Variants in FHIT observed in about 807,000 individuals in gnomAD.
FHIT encodes fragile histidine triad diadenosine triphosphatase, also known as bis(5'-adenosyl)-triphosphatase.
A neutral mutation model predicts 17.9 loss-of-function variants in FHIT; 19 were observed. That is an observed-to-expected ratio of 1.06 (90% CI 0.74 to 1.56). The LOEUF (loss-of-function observed/expected upper bound fraction) is 1.56, where lower values mean the gene tolerates loss of function less well. Ranked by LOEUF, FHIT falls within the 40% of genes most tolerant of loss-of-function variation. The pLI is 0.00. For synonymous variants in FHIT, 81 were observed against 69.7 expected (o/e 1.16, Z -0.81); for missense variants, 248 against 189.2 (o/e 1.31, Z -1.82).
At chr3:60,534,797 C>A (rs1359492566) in intron 5 of FHIT, among the ~76,000 whole-genome samples, 1 of 152,206 alleles carries the variant, frequency 6.6e-6, no homozygotes, top group East Asian at 1.9e-4. Context: ...ATGGTGACAC[C>A]AGTGCCATCT....
chr3:61,205,175 T>A (rs1194907238), intron 1 of FHIT, among the ~76,000 whole-genome samples: 1 of 152,128 alleles, frequency 6.6e-6, no homozygotes, highest in Non-Finnish European at 1.5e-5. Context: ...GGCTGCATAG[T>A]ATTCCATGGT....
intron 5 of FHIT, among the ~76,000 whole-genome samples, chr3:60,057,289 A>G (rs954254537): frequency 6.6e-6 from 1 of 152,172 alleles, no homozygotes; most frequent in African/African-American, 2.4e-5. Context: ...AAAGTCATAT[A>G]CTAATATGTG....
chr3:60,846,826 CTT>C (rs1289189948), intron 3 of FHIT, among the ~76,000 whole-genome samples: 1 of 147,634 alleles, frequency 6.8e-6, no homozygotes. Context: ...CATAATCTTT[CTT>C]TTTTTTTTTC....
intron 5 of FHIT, among the ~76,000 whole-genome samples, chr3:60,173,915 A>ATATATATATATATATATAT: frequency 1.5e-5 from 1 of 66,436 alleles, no homozygotes; most frequent in South Asian, 4.7e-4. Flanking sequence ...ATATATATAT[A>ATATATATATATATATATAT]TGTTTTTTTT....
chr3:60,042,919 T>C (rs1229458425), intron 5 of FHIT, among the ~76,000 whole-genome samples: 1 of 152,192 alleles, frequency 6.6e-6, no homozygotes, highest in East Asian at 1.9e-4. Context: ...TTGCCACCTA[T>C]TTCCCTGGCT....
At chr3:60,830,384 A>T (rs990742536) in intron 3 of FHIT, among the ~76,000 whole-genome samples, 1 of 152,194 alleles carries the variant, frequency 6.6e-6, no homozygotes, top group Non-Finnish European at 1.5e-5. Flanking sequence ...AAGCAGCCCA[A>T]TAACCAAACA....
intron 3 of FHIT, among the ~76,000 whole-genome samples, chr3:60,844,656 TCA>T (rs1334666357): frequency 4.6e-5 from 7 of 152,160 alleles, no homozygotes; most frequent in African/African-American, 1.7e-4. Context: ...CTCATAAAAA[TCA>T]CACTTTGGCT....
chr3:60,725,649 T>G (rs184813440), intron 4 of FHIT, among the ~76,000 whole-genome samples: 1 of 152,334 alleles, frequency 6.6e-6, no homozygotes, highest in Admixed American at 6.5e-5. Context: ...ATAAAAACTT[T>G]TGCAATTGGT....
In FHIT at chr3:60,273,452, C is replaced by CA. The variant is rs200112733; in HGVS notation, c.104-259301dup. Reference sequence around the variant, plus strand: ...TGAAATCCTGTCTCTACTAAAAATACAAAAAAAATTAGCCAGGGGTGGTGG... The same window carrying CA: ...TGAAATCCTGTCTCTACTAAAAATACAAAAAAAAATTAGCCAGGGGTGGTGG... On this transcript the variant is annotated intron_variant, in intron 5 of 9. Coordinates refer to ENST00000492590, the MANE Select transcript of FHIT (RefSeq NM_002012.4). 1.5e-4 allele frequency among the ~76,000 whole-genome samples: 23 copies of CA among 151,428 alleles called. No individual in the cohort carries two copies. In the East Asian group the frequency reaches 4.1e-3, roughly 27 times the overall value.
In FHIT at chr3:60,057,194, C is replaced by A. The variant is rs548135612; in HGVS notation, c.104-43042G>T. Among the ~76,000 whole-genome samples the A allele has an allele frequency of 7.2e-5, 11 of 152,280 alleles. No homozygotes were observed. The East Asian group carries it at 1.2e-3, about 16-fold the overall frequency. On this transcript the variant is annotated intron_variant, in intron 5 of 9. Coordinates refer to ENST00000492590, the MANE Select transcript of FHIT (RefSeq NM_002012.4). ...CATCCTATGCATTATTTCATATAAA[C>A]CTTACCACAAAACTTTGAGTGGTAT...
At chr3:60,142,319 T>C (rs1207367638) in intron 5 of FHIT, among the ~76,000 whole-genome samples, 2 of 152,168 alleles carry the variant, frequency 1.3e-5, no homozygotes, top group Non-Finnish European at 2.9e-5. Flanking sequence ...TCAAAAAATA[T>C]GTTGCACAGG....
intron 5 of FHIT, among the ~76,000 whole-genome samples, chr3:60,191,550 C>A (rs1702404711): frequency 2.0e-5 from 3 of 152,058 alleles, no homozygotes; most frequent in African/African-American, 7.2e-5. Context: ...GCATAGTGAC[C>A]AAAGCATGAT....
chr3:60,218,857 C>CTACA (rs36071604), intron 5 of FHIT, among the ~76,000 whole-genome samples: 5,842 of 151,796 alleles, frequency 0.038, 354 homozygotes, highest in African/African-American at 0.13. Flanking sequence ...TCTATACTGC[C>CTACA]TACATACATA....
intron 2 of FHIT, among the ~76,000 whole-genome samples, chr3:61,138,049 C>A (rs750028321): frequency 1.2e-4 from 18 of 152,278 alleles, no homozygotes; most frequent in East Asian, 9.6e-4. Context: ...ATTACTTAAC[C>A]GCTCTGTGAC....
At chr3:60,938,677 G>T (rs1166279279) in intron 3 of FHIT, among the ~76,000 whole-genome samples, 1 of 152,148 alleles carries the variant, frequency 6.6e-6, no homozygotes, top group African/African-American at 2.4e-5. Context: ...TCACCAATGG[G>T]AAAGAATACC....
intron 3 of FHIT, among the ~76,000 whole-genome samples, chr3:60,835,255 G>GA (rs35996920): frequency 0.98 from 149,795 of 152,148 alleles, 73,783 homozygotes; most frequent in East Asian, 1. Flanking sequence ...ATCTATATAT[G>GA]AAAAAATCAT....
intron 4 of FHIT, among the ~76,000 whole-genome samples, chr3:60,593,191 C>T (rs1289411213): frequency 6.6e-6 from 1 of 152,102 alleles, no homozygotes; most frequent in Non-Finnish European, 1.5e-5. Context: ...CTTAGTTATA[C>T]TCTCTCACTT....
intron 5 of FHIT, among the ~76,000 whole-genome samples, chr3:60,064,729 C>G (rs959443032): frequency 7.2e-5 from 11 of 152,196 alleles, no homozygotes; most frequent in African/African-American, 2.4e-4. Context: ...TATTTAGGAT[C>G]TGCCAAATAA....
intron 5 of FHIT, among the ~76,000 whole-genome samples, chr3:60,317,784 T>C (rs1709231535): frequency 8.6e-6 from 1 of 116,910 alleles, no homozygotes; most frequent in Admixed American, 9.5e-5. Flanking sequence ...GGCAAGTTTT[T>C]CTTCTTTTTT....
Sources: gnomAD v4.1 joint callset for allele counts (sites outside exome capture counted in the v4.1 genomes callset) on GRCh38, gnomAD v4.1.1 for gene constraint, MANE v1.5 for transcripts, NCBI Gene and HGNC (gene_info 2026-07-23, HGNC 2026-07-21) for gene names.